The following IFI27 variants were observed in gnomAD, a reference collection of about 807,000 sequenced individuals.
IFI27 encodes interferon alpha-inducible protein 27, mitochondrial.
Under a neutral mutation model 8.9 loss-of-function variants are expected in IFI27, and 3 were observed. The ratio of observed to expected loss-of-function variants is 0.34; its 90% CI spans 0.15 to 0.87. The LOEUF is 0.87. IFI27 is among the 40% of genes least tolerant of loss of function. The pLI, the probability that IFI27 is intolerant of heterozygous loss-of-function variation, is 0.51. For synonymous variants in IFI27, 66 were observed against 67.3 expected, an observed-to-expected ratio of 0.98 and a Z score of 0.09; for missense variants, 152 against 157.7, an observed-to-expected ratio of 0.96 and a Z score of 0.19.
upstream of IFI27, among the ~76,000 whole-genome samples, chr14:94,107,484 C>T (rs1887031479): frequency 1.3e-5 from 2 of 152,074 alleles, no homozygotes; most frequent in African/African-American, 4.8e-5. Context: ...AATAATTTCC[C>T]CTATGTTTTC....
At chr14:94,114,203 A>G (rs565856764) in intron 2 of IFI27, 2 of 152,480 alleles carry the variant, frequency 1.3e-5, no homozygotes, top group Admixed American at 6.5e-5. Flanking sequence ...CAAGCATTCT[A>G]TAGTGCTTGC....
chr14:94,109,542 G>A (rs1887090150), upstream of IFI27, among the ~76,000 whole-genome samples: 1 of 152,186 alleles, frequency 6.6e-6, no homozygotes, highest in South Asian at 2.1e-4. Flanking sequence ...TTATGGTCAG[G>A]TTCCTGCAGT....
Position 94,115,485 on chromosome 14 carries a change from T to A in IFI27, c.122-296T>A, listed in dbSNP as rs1887354628. On this transcript the variant is annotated intron_variant, in intron 3 of 4. Coordinates refer to ENST00000621160, the Ensembl canonical transcript of IFI27. ...GCCAACCACTCCCCTGGTCCAGCAT[T>A]TGGCCAAGGCAGACACTGAGGCTCT... 4.9e-6 allele frequency: 3 copies of A among 612,600 alleles called. No homozygotes were observed. The Admixed American group carries it at 7.2e-5, about 15-fold the overall frequency. The allele number at this position is 612,600 out of a possible 1,614,324, so 37.9% of individuals were successfully genotyped here. A position where few individuals can be genotyped will look rare whatever the true frequency, so the allele number is the denominator to read the frequency against.
chr14:94,111,942 G>C lies in IFI27; in HGVS notation c.91+169G>C. On this transcript the variant is annotated intron_variant, in intron 2 of 4. Transcript: ENST00000621160. The surrounding 1 kb of genome is among the most constrained non-coding windows in gnomAD (Gnocchi z 4.3). ...ACCCTAACTTTCCATCTGGGAGGGG[G>C]CCCGGGGCAGGCAGACTCTGGCCAG... 1.5e-6 allele frequency: 1 copy of C among 657,464 alleles called. No individual in the cohort carries two copies. The highest frequency in any genetic ancestry group is 2.7e-6 in the Non-Finnish European group (1 of 365,130). 40.7% of individuals were successfully genotyped at this position (657,464 alleles called of 1,614,324 possible).
chr14:94,114,989 G>T, intron 3 of IFI27, 109 bp downstream of exon 3: 1 of 999,000 alleles, frequency 1.0e-6, no homozygotes, highest in Admixed American at 1.8e-5. Context: ...GGTGGTCAGG[G>T]GAGGAGGTGG....
chr14:94,108,363 T>G (rs951827131), upstream of IFI27, among the ~76,000 whole-genome samples: 6 of 152,216 alleles, frequency 3.9e-5, no homozygotes, highest in Admixed American at 2.0e-4. Flanking sequence ...ATTGTGGTCT[T>G]GATTTGCATT....
At position 94,111,903 on chromosome 14, in the gene IFI27, C is replaced by T; in HGVS notation, c.91+130C>T. On this transcript the variant is annotated intron_variant, in intron 2 of 4. Transcript: ENST00000621160. This position sits in a 1 kb window ranked among gnomAD's most constrained non-coding sequence, Gnocchi z 4.3. ...GCCTTGCTGCCCTGTCCTGTCTTCT[C>T]ACAGCAGGCGTCCACCCTAACTTTC... The T allele has an allele frequency of 1.3e-6, 1 of 762,534 alleles. No individual in the cohort carries two copies. The highest frequency in any genetic ancestry group is 2.3e-6 in the Non-Finnish European group (1 of 438,154). 47.2% of individuals were successfully genotyped at this position (762,534 alleles called of 1,614,324 possible).
At position 94,111,914 on chromosome 14, in the gene IFI27, T is replaced by C. The variant is rs1050312640; in HGVS notation, c.91+141T>C. Reference sequence around the variant, plus strand: ...CTGTCCTGTCTTCTCACAGCAGGCGTCCACCCTAACTTTCCATCTGGGAGG... The same window carrying C: ...CTGTCCTGTCTTCTCACAGCAGGCGCCCACCCTAACTTTCCATCTGGGAGG... On this transcript the variant is annotated intron_variant, in intron 2 of 4. Transcript: ENST00000621160. The surrounding 1 kb of genome is among the most constrained non-coding windows in gnomAD (Gnocchi z 4.3). 1.1e-5 allele frequency: 8 copies of C among 721,574 alleles called. No individual in the cohort carries two copies. The highest frequency in any genetic ancestry group is 1.7e-5 in the Non-Finnish European group (7 of 409,892). The allele number at this position is 721,574 out of a possible 1,614,324, so 44.7% of individuals were successfully genotyped here.
upstream of IFI27, among the ~76,000 whole-genome samples, chr14:94,107,409 T>G (rs1421311520): frequency 6.6e-6 from 1 of 152,210 alleles, no homozygotes; most frequent in African/African-American, 2.4e-5. Flanking sequence ...TTTTTTGTTG[T>G]TGAGTTGTAG....
At chr14:94,106,885 C>G (rs1887021427), upstream of IFI27, among the ~76,000 whole-genome samples, 1 of 147,052 alleles carries the variant, frequency 6.8e-6, no homozygotes, top group Non-Finnish European at 1.5e-5. Context: ...TAACTCATTA[C>G]TGTGAGGACA....
At chr14:94,115,737 T>A (rs760175092) in intron 3 of IFI27, 44 bp from the exon 4 acceptor site, 1 of 1,568,670 alleles carries the variant, frequency 6.4e-7, no homozygotes, top group South Asian at 1.2e-5. Flanking sequence ...TCTGGGGGGG[T>A]CCCTTCTGAG....
chr14:94,107,589 A>G (rs1887032499), upstream of IFI27, among the ~76,000 whole-genome samples: 1 of 152,228 alleles, frequency 6.6e-6, no homozygotes, highest in Admixed American at 6.5e-5. Context: ...TAGAAGAGAT[A>G]TATAGGTATC....
chr14:94,114,618 G>A (rs1455245193), intron 2 of IFI27: 2 of 562,174 alleles, frequency 3.6e-6, no homozygotes, highest in African/African-American at 1.9e-5. Context: ...CTAGGTCAGG[G>A]CCACGTAAAT....
At chr14:94,108,764 A>G (rs545644470), upstream of IFI27, among the ~76,000 whole-genome samples, 19 of 151,976 alleles carry the variant, frequency 1.3e-4, no homozygotes, top group Admixed American at 6.6e-4. Flanking sequence ...AAAAAAAAAA[A>G]AGAGAGAGAG....
Position 94,116,587 on chromosome 14 carries a change from T to G in IFI27, c.*60T>G. On this transcript the variant is annotated 3_prime_UTR_variant, in exon 5 of 5. Transcript: ENST00000621160. The surrounding 1 kb of genome is among the most constrained non-coding windows in gnomAD (Gnocchi z 4.3). ...TGCCAGGGGAGAAGGCACCCAGCCA[T>G]CCTGACCCAGCGAGGAGCCAACTAT... The G allele has an allele frequency of 7.3e-7, 1 of 1,368,452 alleles. No individual in the cohort carries two copies. Among genetic ancestry groups the G allele is most frequent in the East Asian group, 2.3e-5 (1 of 42,672 alleles). 84.8% of individuals were successfully genotyped at this position (1,368,452 alleles called of 1,614,324 possible).
chr14:94,111,955 A>C lies in IFI27; in HGVS notation c.91+182A>C. On this transcript the variant is annotated intron_variant, in intron 2 of 4. Transcript: ENST00000621160. This position sits in a 1 kb window ranked among gnomAD's most constrained non-coding sequence, Gnocchi z 4.3. Reference sequence around the variant, plus strand: ...ATCTGGGAGGGGGCCCGGGGCAGGCAGACTCTGGCCAGATGCCCAGCCCTG... The same window carrying C: ...ATCTGGGAGGGGGCCCGGGGCAGGCCGACTCTGGCCAGATGCCCAGCCCTG... The C allele has an allele frequency of 1.5e-6, 1 of 645,586 alleles. No homozygotes were observed. Among genetic ancestry groups the C allele is most frequent in the Non-Finnish European group, 2.8e-6 (1 of 357,114 alleles). 40.0% of individuals were successfully genotyped at this position (645,586 alleles called of 1,614,324 possible).
rs780518012 is a variant in IFI27, at chr14:94,111,807, C to G, written c.91+34C>G. On this transcript the variant is annotated intron_variant, in intron 2 of 4. Transcript: ENST00000621160. This position sits in a 1 kb window ranked among gnomAD's most constrained non-coding sequence, Gnocchi z 4.3. ...TCCTGGGAGGGGCTGGTGCTGGGGG[C>G]GAGGAGGCGGCTGGGAAGGGCGGGG... 1 of 1,535,938 alleles carries G rather than the reference C, an allele frequency of 6.5e-7. No homozygotes were observed. Among genetic ancestry groups the G allele is most frequent in the Admixed American group, 1.7e-5 (1 of 59,886 alleles).
chr14:94,108,433 C>G (rs185891614), upstream of IFI27, among the ~76,000 whole-genome samples: 3 of 152,118 alleles, frequency 2.0e-5, no homozygotes, highest in Admixed American at 1.3e-4. Flanking sequence ...ATATGCTGGC[C>G]GTGTATTGTT....
Position 94,111,898 on chromosome 14 carries a change from C to G in IFI27, c.91+125C>G. 1.3e-6 allele frequency: 1 copy of G among 785,824 alleles called. No homozygotes were observed. The highest frequency in any genetic ancestry group is 2.2e-6 in the Non-Finnish European group (1 of 454,382). 48.7% of individuals were successfully genotyped at this position (785,824 alleles called of 1,614,324 possible). On this transcript the variant is annotated intron_variant, in intron 2 of 4. Coordinates refer to ENST00000621160, the Ensembl canonical transcript of IFI27. The surrounding 1 kb of genome is among the most constrained non-coding windows in gnomAD (Gnocchi z 4.3). Reference sequence around the variant, plus strand: ...CCGCAGCCTTGCTGCCCTGTCCTGTCTTCTCACAGCAGGCGTCCACCCTAA... The same window carrying G: ...CCGCAGCCTTGCTGCCCTGTCCTGTGTTCTCACAGCAGGCGTCCACCCTAA...
Sources: gnomAD v4.1 joint callset for allele counts (sites outside exome capture counted in the v4.1 genomes callset) on GRCh38, gnomAD v4.1.1 for gene constraint, Gnocchi (gnomAD v3.1) non-coding constraint, MANE v1.5 for transcripts, NCBI Gene and HGNC (gene_info 2026-07-23, HGNC 2026-07-21) for gene names.